TRARG1: variants seen among roughly 807,000 people sequenced by gnomAD.
TRARG1 encodes trafficking regulator of GLUT4 1.
In TRARG1, 16 loss-of-function variants were observed where a neutral mutation model predicts 13.3. That is an observed-to-expected ratio of 1.20 (90% CI 0.81 to 1.83). The LOEUF (loss-of-function observed/expected upper bound fraction) is 1.83, where lower values mean the gene tolerates loss of function less well. TRARG1 is among the 40% of genes most tolerant of loss of function. The pLI, the probability that TRARG1 is intolerant of heterozygous loss-of-function variation, is 0.00. For missense variants in TRARG1, 250 were observed against 237.4 expected (o/e 1.05, Z -0.35); for synonymous variants, 113 against 106.2 (o/e 1.06, Z -0.39).
chr17:1,290,321 A>T (rs2072060772), intron 1 of TRARG1, among the ~76,000 whole-genome samples: 1 of 152,076 alleles, frequency 6.6e-6, no homozygotes, highest in African/African-American at 2.4e-5. Flanking sequence ...TTTGAGATGG[A>T]GTTTCGCTCT....
chr17:1,291,418 G>A (rs961824002), intron 1 of TRARG1, among the ~76,000 whole-genome samples: 1 of 152,146 alleles, frequency 6.6e-6, no homozygotes, highest in African/African-American at 2.4e-5. Flanking sequence ...CCAATCTGAT[G>A]GTTTTATAAG....
rs1426859364 is a variant in TRARG1, at chr17:1,282,077, CATATATGT to C, written c.387+1691_387+1698del. The stretch of plus-strand genomic sequence containing the variant: ...ATATGTACATGTATACACATATATA[CATATATGT>C]ACATATATACGTATATGTGTACACA... On this transcript the variant is annotated intron_variant, in intron 1 of 2. Coordinates refer to ENST00000333813, the MANE Select transcript of TRARG1 (RefSeq NM_172367.3). 4.0e-5 allele frequency among the ~76,000 whole-genome samples: 6 copies of C among 150,530 alleles called. No individual in the cohort carries two copies. In the East Asian group the frequency reaches 7.9e-4, roughly 20 times the overall value.
At chr17:1,291,849 T>C (rs761907839) in intron 1 of TRARG1, among the ~76,000 whole-genome samples, 1 of 152,152 alleles carries the variant, frequency 6.6e-6, no homozygotes, top group Non-Finnish European at 1.5e-5. Context: ...TGGAGGTTGA[T>C]ACTCGAACCT....
At chr17:1,293,306 T>C (rs1284298769) in intron 1 of TRARG1, among the ~76,000 whole-genome samples, 2 of 112,564 alleles carry the variant, frequency 1.8e-5, no homozygotes, top group African/African-American at 3.8e-5. Flanking sequence ...AAAAAAAAGA[T>C]AGTGGTGATG....
intron 1 of TRARG1, 113 bp from the exon 2 acceptor site, chr17:1,295,378 G>A (rs769667807): frequency 2.5e-5 from 34 of 1,346,194 alleles, no homozygotes; most frequent in South Asian, 1.3e-4. Context: ...CCATGGGGAC[G>A]GGATGTGTCT....
intron 1 of TRARG1, 133 bp downstream of exon 1, chr17:1,280,521 C>A: frequency 9.9e-7 from 1 of 1,011,130 alleles, no homozygotes; most frequent in Non-Finnish European, 1.4e-6. Flanking sequence ...GGGGAAGACT[C>A]CTTTCCTCAC....
chr17:1,280,043 G>A lies in TRARG1; in HGVS notation c.42G>A (p.Glu14=). The change falls in exon 1 of 3, where the codon GAG becomes GAA. Residue 14 remains glutamate, a synonymous_variant. Coordinates refer to ENST00000333813, the MANE Select transcript of TRARG1 (RefSeq NM_172367.3). ...PVQSEFPSAQ[E]PGSAAFLDLP... is the part of the protein sequence containing the mutation. The stretch of plus-strand genomic sequence containing the variant: ...AGTCCGAGTTTCCTTCAGCACAGGA[G>A]CCAGGCTCCGCCGCATTCCTGGACC... The A allele has an allele frequency of 3.1e-6, 5 of 1,613,326 alleles. No individual in the cohort carries two copies. Among genetic ancestry groups the A allele is most frequent in the Non-Finnish European group, 3.4e-6 (4 of 1,180,004 alleles).
chr17:1,297,652 A>G (rs1002280317), intron 2 of TRARG1, among the ~76,000 whole-genome samples: 1 of 142,456 alleles, frequency 7.0e-6, no homozygotes, highest in Non-Finnish European at 1.5e-5. Context: ...CGCCCAGGCT[A>G]GAGTGCAATG....
chr17:1,281,957 T>A (rs937040046), intron 1 of TRARG1, among the ~76,000 whole-genome samples: 1 of 151,368 alleles, frequency 6.6e-6, no homozygotes, highest in Non-Finnish European at 1.5e-5. Flanking sequence ...TGCACATACA[T>A]GTACATATAT....
In TRARG1 at chr17:1,280,193, C is replaced by T; in HGVS notation, c.192C>T (p.Ala64=). The T allele has an allele frequency of 6.2e-7, 1 of 1,614,094 alleles. No individual in the cohort carries two copies. The highest frequency in any genetic ancestry group is 1.1e-5 in the South Asian group (1 of 91,058). The part of the protein sequence containing the change: ...EQNSQGLPFK[A]ISEGHLEAPL... ...ACAGCCAGGGCCTACCCTTCAAGGC[C>T]ATCTCCGAGGGGCACCTGGAGGCCC... The change falls in exon 1 of 3, where the codon GCC becomes GCT. Residue 64 remains alanine (A), a synonymous_variant. Transcript: ENST00000333813.
chr17:1,293,658 T>C (rs1452955624), intron 1 of TRARG1, among the ~76,000 whole-genome samples: 1 of 152,116 alleles, frequency 6.6e-6, no homozygotes, highest in African/African-American at 2.4e-5. Context: ...TGTCATGGGC[T>C]GGGTTTGATG....
At chr17:1,293,602 G>A (rs1598194337) in intron 1 of TRARG1, among the ~76,000 whole-genome samples, 1 of 151,496 alleles carries the variant, frequency 6.6e-6, no homozygotes. Context: ...TGAGTTTGAT[G>A]ATGTCGTGGG....
chr17:1,281,919 T>TATATAC (rs968909193), intron 1 of TRARG1, among the ~76,000 whole-genome samples: 42 of 152,158 alleles, frequency 2.8e-4, no homozygotes, highest in South Asian at 1.9e-3. Context: ...TGAGTTTCTA[T>TATATAC]ATATACATAT....
Position 1,279,700 on chromosome 17 carries a change from C to T in TRARG1, c.-302C>T. 2.6e-6 allele frequency: 1 copy of T among 380,390 alleles called. No homozygotes were observed. Among genetic ancestry groups the T allele is most frequent in the Non-Finnish European group, 4.8e-6 (1 of 210,146 alleles). The allele number at this position is 380,390 out of a possible 1,614,324, so 23.6% of individuals were successfully genotyped here. On this transcript the variant is annotated 5_prime_UTR_variant, in exon 1 of 3. Coordinates refer to ENST00000333813, the MANE Select transcript of TRARG1 (RefSeq NM_172367.3). The stretch of plus-strand genomic sequence containing the variant: ...TGCTCTCTGAGCTTTCCGTTGCTTC[C>T]CTGCCCATCTGTGCTCTCAGCAGCA...
chr17:1,287,284 A>ATAT (rs1367807055), intron 1 of TRARG1, among the ~76,000 whole-genome samples: 3 of 152,044 alleles, frequency 2.0e-5, no homozygotes, highest in Non-Finnish European at 4.4e-5. Context: ...GGCTAATATT[A>ATAT]CTAATACTCA....
rs2072129197 is a variant in TRARG1 at position 1,298,515 on chromosome 17, G to A, written c.*251G>A. On this transcript the variant is annotated 3_prime_UTR_variant, in exon 3 of 3. Transcript: ENST00000333813. ...GTTTACTCTCCCGGACGCGTCCTGG[G>A]ATCTCAACCCCAGCAGTCTGGCTTG... 1 of 445,026 alleles carries A rather than the reference G, an allele frequency of 2.2e-6. No homozygotes were observed. The highest frequency in any genetic ancestry group is 2.0e-5 in the African/African-American group (1 of 50,360). 27.6% of individuals were successfully genotyped at this position (445,026 alleles called of 1,614,324 possible). A position where few individuals can be genotyped will look rare whatever the true frequency, so the allele number is the denominator to read the frequency against.
In TRARG1 at chr17:1,295,495, G is replaced by T. The variant is rs200319809; in HGVS notation, c.392G>T (p.Arg131Leu). 1.6e-4 allele frequency: 260 copies of T among 1,606,342 alleles called. No individual in the cohort carries two copies. In the African/African-American group the frequency reaches 3.2e-3, roughly 20 times the overall value. Residue 131 changes from arginine to leucine, a missense_variant, in exon 2 of 3, where the codon CGA (arginine) becomes CTA (leucine). By Grantham distance (102) the Arg-to-Leu change is moderately radical. Coordinates refer to ENST00000333813, the MANE Select transcript of TRARG1 (RefSeq NM_172367.3). ...CTCTCTGTGCTCTCTCCGCAGTCTC[G>T]AAGCAGCATGCAACAGGGCAACGTG... is the stretch of plus-strand genomic sequence containing the variant. ...LIPLIISIMS[R>L]SSMQQGNVDG... is the part of the protein sequence containing the mutation.
At chr17:1,296,194 T>G (rs902556907) in intron 2 of TRARG1, among the ~76,000 whole-genome samples, 4 of 152,232 alleles carry the variant, frequency 2.6e-5, no homozygotes, top group Non-Finnish European at 5.9e-5. Context: ...TATTATTTTG[T>G]ATTAATTAAC....
intron 1 of TRARG1, among the ~76,000 whole-genome samples, chr17:1,282,313 TATATATGTAC>T (rs146058372): frequency 4.4e-4 from 51 of 116,944 alleles, no homozygotes; most frequent in Admixed American, 1.2e-3. Flanking sequence ...TACATATGCG[TATATATGTAC>T]ATATATGTAC....
Sources: gnomAD v4.1 joint callset for allele counts (sites outside exome capture counted in the v4.1 genomes callset) on GRCh38, gnomAD v4.1.1 for gene constraint, MANE v1.5 for transcripts, NCBI Gene and HGNC (gene_info 2026-07-23, HGNC 2026-07-21) for gene names.